COP1: variants seen among roughly 807,000 people sequenced by gnomAD.
COP1 encodes the protein E3 ubiquitin-protein ligase COP1.
In COP1, 24 loss-of-function variants were observed where a neutral mutation model predicts 101.3. That is an observed-to-expected ratio of 0.24 (90% CI 0.17 to 0.33). The LOEUF (loss-of-function observed/expected upper bound fraction) is 0.33, where lower values mean the gene tolerates loss of function less well. Ranked by LOEUF, COP1 falls within the 10% of genes least tolerant of loss-of-function variation. The pLI, the probability that COP1 is intolerant of heterozygous loss-of-function variation, is 1.00. For synonymous variants in COP1, 347 were observed against 341.9 expected (o/e 1.01, Z -0.17); for missense variants, 663 against 906.2 (o/e 0.73, Z 3.45).
In COP1 at chr1:176,155,419, A is replaced by C. The variant is rs1693298625; in HGVS notation, c.763-6345T>G. 3.3e-5 allele frequency among the ~76,000 whole-genome samples: 5 copies of C among 152,034 alleles called. No individual in the cohort carries two copies. In the South Asian group the frequency reaches 8.3e-4, roughly 25 times the overall value. ...AGCAGAGGAAAGGAATAACAAACTC[A>C]AACACAGTTCAATACAAATTATTTA... On this transcript the variant is annotated intron_variant, in intron 5 of 19. Coordinates refer to ENST00000367669, the MANE Select transcript of COP1 (RefSeq NM_022457.7).
intron 9 of COP1, among the ~76,000 whole-genome samples, chr1:176,097,224 G>A (rs761126150): frequency 4.7e-5 from 7 of 150,068 alleles, no homozygotes; most frequent in Non-Finnish European, 8.9e-5. Flanking sequence ...ACCTTGTTTT[G>A]TTGAAAAAAA....
Position 176,176,004 on chromosome 1 carries a change from G to T in COP1, c.471C>A (p.Tyr157Ter). ...YMTKCGHSFCYKCIHQSLEDN... is the reference protein window; with the variant it reads ...YMTKCGHSFC ...CCTCCAAACTCTGATGAATACACTT[G>T]TAGCTATTAGTAGGGGGGGAAAAAA... Residue 157 changes from tyrosine (Y) to a stop codon, truncating the protein, a stop_gained, in exon 3 of 20, where the codon TAC becomes TAA. Transcript: ENST00000367669. LOFTEE classifies it high-confidence loss of function. 6.9e-7 allele frequency: 1 copy of T among 1,456,626 alleles called. No homozygotes were observed. The highest frequency in any genetic ancestry group is 9.5e-7 in the Non-Finnish European group (1 of 1,052,858). The allele number at this position is 1,456,626 out of a possible 1,614,324, so 90.2% of individuals were successfully genotyped here.
At chr1:176,180,461 T>C (rs1697592336) in intron 2 of COP1, among the ~76,000 whole-genome samples, 1 of 152,106 alleles carries the variant, frequency 6.6e-6, no homozygotes, top group Non-Finnish European at 1.5e-5. Flanking sequence ...CAGGTGGGCA[T>C]AACAAAGAGG....
At chr1:175,947,308 C>G in intron 18 of COP1, 69 bp from the exon 19 acceptor site, 1 of 967,352 alleles carries the variant, frequency 1.0e-6, no homozygotes, top group Non-Finnish European at 1.7e-6. Flanking sequence ...GAGATAATTT[C>G]CTCTTCATCC....
intron 9 of COP1, among the ~76,000 whole-genome samples, chr1:176,116,294 T>C (rs1686170584): frequency 6.6e-6 from 1 of 152,062 alleles, no homozygotes. Context: ...GGTAGGAGAA[T>C]TGCTTGAGCC....
chr1:176,015,183 T>C (rs1011751166), intron 15 of COP1, among the ~76,000 whole-genome samples: 3 of 152,008 alleles, frequency 2.0e-5, no homozygotes, highest in Admixed American at 1.3e-4. Context: ...GTAGGATGAA[T>C]CTAGAGAAGT....
At chr1:176,067,298 C>T (rs73040918) in intron 11 of COP1, among the ~76,000 whole-genome samples, 2,232 of 152,138 alleles carry the variant, frequency 0.015, 57 homozygotes, top group African/African-American at 0.051. Context: ...CCTGTGCCCA[C>T]GGACTAAGGT....
At chr1:176,062,263 A>G (rs1348346780) in intron 11 of COP1, among the ~76,000 whole-genome samples, 2 of 152,100 alleles carry the variant, frequency 1.3e-5, no homozygotes, top group Admixed American at 6.5e-5. Flanking sequence ...CAGTCTCCCA[A>G]TGTGCTGGGA....
At chr1:175,992,573 A>C (rs1658853341) in intron 15 of COP1, among the ~76,000 whole-genome samples, 1 of 152,230 alleles carries the variant, frequency 6.6e-6, no homozygotes, top group Admixed American at 6.5e-5. Context: ...AGGCTTAAAA[A>C]ATGGCGGACC....
At chr1:176,012,960 G>A (rs780411878) in intron 15 of COP1, among the ~76,000 whole-genome samples, 6 of 151,964 alleles carry the variant, frequency 3.9e-5, no homozygotes, top group African/African-American at 7.3e-5. Flanking sequence ...AGGTATCCTC[G>A]GGGGAACTGG....
At chr1:176,195,309 T>G (rs952772866) in intron 1 of COP1, among the ~76,000 whole-genome samples, 9 of 152,196 alleles carry the variant, frequency 5.9e-5, no homozygotes, top group African/African-American at 2.2e-4. Context: ...GCTAAATCTG[T>G]GTAAGCTTCA....
At chr1:176,049,674 A>T (rs1217826993) in intron 11 of COP1, among the ~76,000 whole-genome samples, 1 of 152,080 alleles carries the variant, frequency 6.6e-6, no homozygotes, top group African/African-American at 2.4e-5. Context: ...CCTATCTCTG[A>T]CATATTTAAT....
chr1:176,104,438 T>G (rs1305503554), intron 9 of COP1, among the ~76,000 whole-genome samples: 6 of 152,100 alleles, frequency 3.9e-5, no homozygotes, highest in Non-Finnish European at 4.4e-5. Flanking sequence ...AACAAAGTCT[T>G]ATAAATTGAA....
chr1:176,139,064 A>G (rs765939225), intron 6 of COP1, among the ~76,000 whole-genome samples: 1 of 152,138 alleles, frequency 6.6e-6, no homozygotes, highest in Admixed American at 6.5e-5. Context: ...TCTACAAGGA[A>G]CGTAAATAAA....
At chr1:176,206,462 G>T in intron 1 of COP1, 110 bp downstream of exon 1, 1 of 1,279,114 alleles carries the variant, frequency 7.8e-7, no homozygotes, top group Non-Finnish European at 1.1e-6. Flanking sequence ...CACAGCACCA[G>T]TATCCCAAGC....
chr1:176,159,836 G>A (rs561952873), intron 5 of COP1, among the ~76,000 whole-genome samples: 5 of 152,254 alleles, frequency 3.3e-5, no homozygotes, highest in Admixed American at 6.5e-5. Context: ...GTCACACTGG[G>A]AGAAGGGAAT....
Position 175,947,232 on chromosome 1 carries a change from T to G in COP1, c.2141A>C (p.Asn714Thr). 1 of 1,607,748 alleles carries G rather than the reference T, an allele frequency of 6.2e-7. No homozygotes were observed. The highest frequency in any genetic ancestry group is 8.5e-7 in the Non-Finnish European group (1 of 1,174,232). The change falls in exon 19 of 20, where the codon AAT becomes ACT. Residue 714 changes from asparagine (N) to threonine (T), a missense_variant. Physicochemically the swap from Asn to Thr is moderately conservative, Grantham distance 65 (BLOSUM62 0). Transcript: ENST00000367669. ...CWRALPDGES[N>T]VLIAANSQGT... ...CTGACTGTTAGCAGCAATCAGCACA[T>G]TGGACTCCTAGAAAAGAACAAGAGC...
At chr1:176,039,223 A>T (rs1321914480) in intron 14 of COP1, among the ~76,000 whole-genome samples, 1 of 152,232 alleles carries the variant, frequency 6.6e-6, no homozygotes, top group Non-Finnish European at 1.5e-5. Context: ...ACATCAAAAA[A>T]GGAATCTCAG....
At chr1:176,155,245 C>T (rs1225072268) in intron 5 of COP1, among the ~76,000 whole-genome samples, 2 of 151,984 alleles carry the variant, frequency 1.3e-5, no homozygotes, top group Non-Finnish European at 2.9e-5. Context: ...ACTCAAGCAG[C>T]GATGAAGCCC....
Sources: gnomAD v4.1 joint callset for allele counts (sites outside exome capture counted in the v4.1 genomes callset) on GRCh38, gnomAD v4.1.1 for gene constraint, MANE v1.5 for transcripts, NCBI Gene and HGNC (gene_info 2026-07-23, HGNC 2026-07-21) for gene names.